The following KCTD8 variants were observed in gnomAD, a reference collection of about 807,000 sequenced individuals.
The protein encoded by KCTD8 is BTB/POZ domain-containing protein KCTD8.
A neutral mutation model predicts 31.5 loss-of-function variants in KCTD8; 27 were observed. The ratio of observed to expected loss-of-function variants is 0.86; its 90% confidence interval spans 0.63 to 1.18. The LOEUF is 1.18. KCTD8 is among the 50% of genes most tolerant of loss of function. KCTD8 has a pLI of 0.00. For synonymous variants in KCTD8, 290 were observed against 280.0 expected (o/e 1.04, Z -0.36); for missense variants, 658 against 647.7 (o/e 1.02, Z -0.17).
intron 1 of KCTD8, among the ~76,000 whole-genome samples, chr4:44,215,775 CAA>C (rs1385148755): frequency 6.6e-6 from 1 of 150,442 alleles, no homozygotes; most frequent in Non-Finnish European, 1.5e-5. Flanking sequence ...ACTAGGGGAC[CAA>C]TGTTAACCTG....
intron 1 of KCTD8, among the ~76,000 whole-genome samples, chr4:44,256,651 C>A (rs534559389): frequency 6.6e-6 from 1 of 151,712 alleles, no homozygotes; most frequent in African/African-American, 2.4e-5. Flanking sequence ...TCTGAGCGAG[C>A]CTGGTGTAAT....
chr4:44,353,484 T>C (rs2109425959), intron 1 of KCTD8, among the ~76,000 whole-genome samples: 1 of 152,184 alleles, frequency 6.6e-6, no homozygotes, highest in South Asian at 2.1e-4. Context: ...AGAGCAATTC[T>C]ACTCTATTAT....
chr4:44,190,366 T>A (rs1713729214), intron 1 of KCTD8, among the ~76,000 whole-genome samples: 1 of 152,256 alleles, frequency 6.6e-6, no homozygotes, highest in Non-Finnish European at 1.5e-5. Context: ...TCTTTAATTC[T>A]TCACCTATGT....
intron 1 of KCTD8, among the ~76,000 whole-genome samples, chr4:44,274,387 G>A (rs1362039504): frequency 6.6e-6 from 1 of 151,696 alleles, no homozygotes; most frequent in Non-Finnish European, 1.5e-5. Context: ...TACTTTTAAT[G>A]CAACAACCTA....
chr4:44,309,547 CT>C lies in KCTD8; in HGVS notation c.962-134298del, dbSNP rs1354014763. 5.3e-5 allele frequency among the ~76,000 whole-genome samples: 8 copies of C among 152,244 alleles called. No individual in the cohort carries two copies. In the South Asian group the frequency reaches 1.5e-3, roughly 28 times the overall value. ...TAGCCTTTCAGCTATGCTTAATTCTCTTTTACTCACAACATATTCAACAACT... is the reference window on the plus strand; with the variant it reads ...TAGCCTTTCAGCTATGCTTAATTCTCTTTACTCACAACATATTCAACAACT... On this transcript the variant is annotated intron_variant, in intron 1 of 1. Coordinates refer to ENST00000360029, the MANE Select transcript of KCTD8 (RefSeq NM_198353.3).
intron 1 of KCTD8, among the ~76,000 whole-genome samples, chr4:44,239,620 T>C (rs1290970784): frequency 2.6e-5 from 4 of 152,244 alleles, no homozygotes; most frequent in Non-Finnish European, 4.4e-5. Flanking sequence ...TTGTTCACCA[T>C]ATGATTCTGT....
At position 44,268,242 on chromosome 4, in the gene KCTD8, T is replaced by C. The variant is rs563733335; in HGVS notation, c.962-92992A>G. On this transcript the variant is annotated intron_variant, in intron 1 of 1. Transcript: ENST00000360029. ...TGGGATGCAAGGCTGGTTCAATATA[T>C]GCAAATCAATAAATGTAATCCAGCA... Among the ~76,000 whole-genome samples the C allele has an allele frequency of 1.6e-3, 187 of 118,378 alleles. 1 individual carries two copies. Among genetic ancestry groups the C allele is most frequent in the Non-Finnish European group, 1.9e-3 (91 of 48,252 alleles). The allele number at this position is 118,378 out of a possible 152,430, so 77.7% of individuals were successfully genotyped here.
intron 1 of KCTD8, among the ~76,000 whole-genome samples, chr4:44,336,128 C>A (rs1465250862): frequency 2.9e-5 from 3 of 103,408 alleles, no homozygotes; most frequent in Admixed American, 3.2e-4. Flanking sequence ...CCAGCCTGGG[C>A]GACAGAGCGA....
Position 44,265,260 on chromosome 4 carries a change from G to A in KCTD8, c.962-90010C>T, listed in dbSNP as rs187636667. 8.4e-3 allele frequency among the ~76,000 whole-genome samples: 1,278 copies of A among 152,180 alleles called. 21 individuals are homozygous for A. Among genetic ancestry groups the A allele is most frequent in the African/African-American group, 0.029 (1,217 of 41,490 alleles). ...GAAAATCCGCTGTTCTGCAGACACCGCTGCTGACACCCAGGCAAACAGGGT... is the reference window on the plus strand; with the variant it reads ...GAAAATCCGCTGTTCTGCAGACACCACTGCTGACACCCAGGCAAACAGGGT... On this transcript the variant is annotated intron_variant, in intron 1 of 1. Coordinates refer to ENST00000360029, the MANE Select transcript of KCTD8 (RefSeq NM_198353.3).
At chr4:44,369,223 T>G (rs757092309) in intron 1 of KCTD8, among the ~76,000 whole-genome samples, 1 of 152,210 alleles carries the variant, frequency 6.6e-6, no homozygotes, top group East Asian at 1.9e-4. Context: ...AGAGATTATT[T>G]AAATTCCTTT....
At chr4:44,430,890 A>C (rs763732977) in intron 1 of KCTD8, among the ~76,000 whole-genome samples, 18 of 151,454 alleles carry the variant, frequency 1.2e-4, no homozygotes, top group Non-Finnish European at 2.5e-4. Flanking sequence ...TCACCAGTCT[A>C]TAAGCCCTGA....
chr4:44,270,488 A>C (rs1716556811), intron 1 of KCTD8, among the ~76,000 whole-genome samples: 1 of 151,850 alleles, frequency 6.6e-6, no homozygotes, highest in Non-Finnish European at 1.5e-5. Context: ...AGATATATAC[A>C]TGTGTAACTA....
At chr4:44,406,864 T>C (rs1443734357) in intron 1 of KCTD8, among the ~76,000 whole-genome samples, 1 of 152,264 alleles carries the variant, frequency 6.6e-6, no homozygotes, top group East Asian at 1.9e-4. Context: ...CAAATGTTTC[T>C]GTTCTCAGGT....
At chr4:44,385,253 T>C (rs1720180149) in intron 1 of KCTD8, among the ~76,000 whole-genome samples, 1 of 151,584 alleles carries the variant, frequency 6.6e-6, no homozygotes, top group African/African-American at 2.4e-5. Flanking sequence ...TCATGGGACC[T>C]AAATAACCAA....
chr4:44,400,549 C>T (rs35161302), intron 1 of KCTD8, among the ~76,000 whole-genome samples: 11,747 of 151,464 alleles, frequency 0.078, 483 homozygotes, highest in South Asian at 0.14. Context: ...GCCAACATGG[C>T]GAAACCCTGC....
At chr4:44,444,504 T>C (rs1315584079) in intron 1 of KCTD8, among the ~76,000 whole-genome samples, 1 of 152,218 alleles carries the variant, frequency 6.6e-6, no homozygotes, top group Non-Finnish European at 1.5e-5. Flanking sequence ...TAAAATTTAA[T>C]GTTGACGAGA....
chr4:44,447,447 A>G, intron 1 of KCTD8, 116 bp downstream of exon 1: 1 of 1,414,392 alleles, frequency 7.1e-7, no homozygotes, highest in Non-Finnish European at 9.2e-7. Flanking sequence ...GCTCTCTATA[A>G]GGAGTTAACC....
chr4:44,301,242 T>G (rs529712182), intron 1 of KCTD8, among the ~76,000 whole-genome samples: 1 of 152,230 alleles, frequency 6.6e-6, no homozygotes, highest in Non-Finnish European at 1.5e-5. Flanking sequence ...AGTAATGGGA[T>G]GGCTGGGTCA....
intron 1 of KCTD8, among the ~76,000 whole-genome samples, chr4:44,427,814 A>C (rs2109475151): frequency 6.6e-6 from 1 of 151,960 alleles, no homozygotes; most frequent in Non-Finnish European, 1.5e-5. Flanking sequence ...GTCACAGCAT[A>C]CATTAAATAG....
Sources: gnomAD v4.1 joint callset for allele counts (sites outside exome capture counted in the v4.1 genomes callset) on GRCh38, gnomAD v4.1.1 for gene constraint, MANE v1.5 for transcripts, NCBI Gene and HGNC (gene_info 2026-07-23, HGNC 2026-07-21) for gene names.